DLGAP1: variants seen among roughly 807,000 people sequenced by gnomAD.
DLGAP1 encodes disks large-associated protein 1.
A neutral mutation model predicts 90.8 loss-of-function variants in DLGAP1; 11 were observed. That is an observed-to-expected ratio of 0.12 (90% confidence interval 0.08 to 0.20). The LOEUF is 0.20. Among genes scored for constraint, DLGAP1 ranks in the 10% least tolerant of loss-of-function variants. The pLI is 1.00. For missense variants in DLGAP1, 1,050 were observed against 1,333.8 expected (o/e 0.79, Z 3.31); for synonymous variants, 558 against 540.7 (o/e 1.03, Z -0.44).
At chr18:4,090,801 A>G (rs1254916511) in intron 2 of DLGAP1, among the ~76,000 whole-genome samples, 1 of 152,248 alleles carries the variant, frequency 6.6e-6, no homozygotes, top group African/African-American at 2.4e-5. Flanking sequence ...ATGTATGTTC[A>G]TGGCAGCGCT....
At chr18:3,606,037 G>A (rs2057312610) in intron 7 of DLGAP1, among the ~76,000 whole-genome samples, 1 of 152,136 alleles carries the variant, frequency 6.6e-6, no homozygotes, top group African/African-American at 2.4e-5. Context: ...GTCTCGCTGT[G>A]GTTTGCTATT....
chr18:4,034,499 C>A (rs2074856431), intron 2 of DLGAP1, among the ~76,000 whole-genome samples: 1 of 152,118 alleles, frequency 6.6e-6, no homozygotes, highest in African/African-American at 2.4e-5. Flanking sequence ...CAAAACTGTA[C>A]CTTTAAACTA....
At chr18:4,345,976 TC>T (rs1226843883) in intron 1 of DLGAP1, among the ~76,000 whole-genome samples, 1 of 152,168 alleles carries the variant, frequency 6.6e-6, no homozygotes, top group Non-Finnish European at 1.5e-5. Context: ...TGCATGCTGA[TC>T]CTTTCAAGAA....
intron 3 of DLGAP1, chr18:3,992,981 T>G (rs2073998192): frequency 6.6e-6 from 1 of 151,996 alleles, no homozygotes; most frequent in African/African-American, 2.4e-5. Context: ...AAGGAGATAA[T>G]CAAGTCAGCT....
chr18:4,231,696 C>G (rs1240691509), intron 1 of DLGAP1, among the ~76,000 whole-genome samples: 1 of 152,044 alleles, frequency 6.6e-6, no homozygotes, highest in Non-Finnish European at 1.5e-5. Flanking sequence ...CCTTAGTAAA[C>G]AAATTCTTTA....
chr18:4,348,944 T>C (rs2081354731), intron 1 of DLGAP1, among the ~76,000 whole-genome samples: 1 of 152,130 alleles, frequency 6.6e-6, no homozygotes, highest in South Asian at 2.1e-4. Context: ...AAAATCATCA[T>C]CTCACAAACA....
intron 1 of DLGAP1, among the ~76,000 whole-genome samples, chr18:4,229,446 C>T (rs1464436569): frequency 1.3e-5 from 2 of 151,974 alleles, no homozygotes; most frequent in African/African-American, 4.8e-5. Flanking sequence ...GCTATAGTAA[C>T]CAAAACAGCA....
chr18:4,071,856 T>C (rs146918193), intron 2 of DLGAP1, among the ~76,000 whole-genome samples: 128 of 152,300 alleles, frequency 8.4e-4, no homozygotes, highest in African/African-American at 3.0e-3. Flanking sequence ...ATTTCAACTT[T>C]GTTAATTCAA....
At chr18:4,339,577 A>G (rs2081145305) in intron 1 of DLGAP1, among the ~76,000 whole-genome samples, 1 of 152,168 alleles carries the variant, frequency 6.6e-6, no homozygotes, top group South Asian at 2.1e-4. Flanking sequence ...CACAATAATG[A>G]GCTCACTCCA....
intron 4 of DLGAP1, among the ~76,000 whole-genome samples, chr18:3,825,618 C>T (rs1255723624): frequency 2.6e-5 from 4 of 152,064 alleles, no homozygotes; most frequent in Middle Eastern, 3.2e-3. Flanking sequence ...GTTAAATCCA[C>T]AGATGCAGAA....
chr18:3,801,810 C>G (rs1711923109), intron 5 of DLGAP1, among the ~76,000 whole-genome samples: 2 of 151,988 alleles, frequency 1.3e-5, no homozygotes, highest in Non-Finnish European at 2.9e-5. Flanking sequence ...ACCCAGAAAG[C>G]CTCTTCACGA....
At chr18:3,563,057 G>A (rs1215949341) in intron 9 of DLGAP1, among the ~76,000 whole-genome samples, 1 of 151,990 alleles carries the variant, frequency 6.6e-6, no homozygotes, top group Non-Finnish European at 1.5e-5. Context: ...GAACTCCTGG[G>A]CTGAAGTGAT....
chr18:3,724,873 C>A (rs2147391025), intron 7 of DLGAP1, among the ~76,000 whole-genome samples: 1 of 151,302 alleles, frequency 6.6e-6, no homozygotes, highest in Non-Finnish European at 1.5e-5. Context: ...CCACTGCACT[C>A]CAGCCTAGGT....
intron 2 of DLGAP1, among the ~76,000 whole-genome samples, chr18:4,032,123 T>A (rs1019115327): frequency 1.3e-5 from 2 of 152,240 alleles, no homozygotes; most frequent in African/African-American, 4.8e-5. Context: ...CTAAGGTAAC[T>A]AAGGAAAACT....
intron 1 of DLGAP1, among the ~76,000 whole-genome samples, chr18:4,340,904 C>T (rs1350695479): frequency 7.3e-6 from 1 of 137,262 alleles, no homozygotes; most frequent in Non-Finnish European, 1.6e-5. Context: ...ACTAAAAATA[C>T]TTCTATTACT....
At chr18:4,052,977 T>C (rs886125402) in intron 2 of DLGAP1, among the ~76,000 whole-genome samples, 2 of 152,152 alleles carry the variant, frequency 1.3e-5, no homozygotes, top group Non-Finnish European at 2.9e-5. Context: ...AGCATTTTGG[T>C]CAAAGCCATT....
chr18:4,349,101 C>G (rs928771988), intron 1 of DLGAP1, among the ~76,000 whole-genome samples: 1 of 152,130 alleles, frequency 6.6e-6, no homozygotes, highest in Admixed American at 6.6e-5. Context: ...AGAAAACTGA[C>G]AGACTCCACC....
intron 1 of DLGAP1, among the ~76,000 whole-genome samples, chr18:4,221,739 T>C (rs2078081877): frequency 6.6e-6 from 1 of 152,182 alleles, no homozygotes; most frequent in African/African-American, 2.4e-5. Flanking sequence ...TTACTCTATG[T>C]TGACTTGTAC....
chr18:3,884,527 A>G (rs892847883), intron 3 of DLGAP1, among the ~76,000 whole-genome samples: 1 of 152,252 alleles, frequency 6.6e-6, no homozygotes, highest in African/African-American at 2.4e-5. Context: ...TATTTTAATC[A>G]GGTATTCAGT....
Sources: allele counts gnomAD v4.1 joint callset (sites outside exome capture counted in the v4.1 genomes callset), GRCh38; gene constraint gnomAD v4.1.1; transcripts MANE v1.5; gene names NCBI Gene and HGNC (gene_info 2026-07-23, HGNC 2026-07-21).